The following ANKS1B variants were observed in gnomAD, a reference collection of about 807,000 sequenced individuals.
ANKS1B encodes the protein ankyrin repeat and sterile alpha motif domain containing 1B, also known as ankyrin repeat and sterile alpha motif domain-containing protein 1B.
In ANKS1B, 36 loss-of-function variants were observed where a neutral mutation model predicts 148.3. The ratio of observed to expected loss-of-function variants is 0.24; its 90% CI spans 0.19 to 0.32. The LOEUF is 0.32. ANKS1B is among the 10% of genes least tolerant of loss of function. The probability of loss-of-function intolerance (pLI) is 1.00; values close to 1 mark genes in which losing one functional copy is unlikely to be tolerated. For synonymous variants in ANKS1B, 542 were observed against 560.8 expected, an observed-to-expected ratio of 0.97 and a Z score of 0.47; for missense variants, 1,157 against 1,542.6, an observed-to-expected ratio of 0.75 and a Z score of 4.19.
intron 17 of ANKS1B, among the ~76,000 whole-genome samples, chr12:98,891,447 G>A (rs556268434): frequency 6.6e-6 from 1 of 151,864 alleles, no homozygotes; most frequent in East Asian, 1.9e-4. Context: ...TGAAGATAGA[G>A]AAAAAATCAG....
At chr12:99,768,084 C>T (rs1420873196) in intron 8 of ANKS1B, among the ~76,000 whole-genome samples, 3 of 152,140 alleles carry the variant, frequency 2.0e-5, no homozygotes, top group African/African-American at 7.2e-5. Flanking sequence ...ACTCAAGCCA[C>T]ATCATTAATA....
intron 11 of ANKS1B, among the ~76,000 whole-genome samples, chr12:99,408,096 T>C (rs568725087): frequency 1.4e-5 from 2 of 145,910 alleles, no homozygotes; most frequent in East Asian, 3.9e-4. Flanking sequence ...TGACTTCAAG[T>C]TATACTACCA....
chr12:98,768,407 ACC>A (rs2098514048), intron 25 of ANKS1B, among the ~76,000 whole-genome samples: 1 of 85,822 alleles, frequency 1.2e-5, no homozygotes, highest in Admixed American at 1.7e-4. Flanking sequence ...GCAGAAGGCC[ACC>A]CCTGTGGGGT....
At chr12:99,604,024 A>T (rs1423974064) in intron 9 of ANKS1B, among the ~76,000 whole-genome samples, 1 of 152,070 alleles carries the variant, frequency 6.6e-6, no homozygotes, top group African/African-American at 2.4e-5. Context: ...TTTCTTGAAG[A>T]CACAACACTT....
intron 8 of ANKS1B, among the ~76,000 whole-genome samples, chr12:99,657,859 A>G (rs2098457301): frequency 1.4e-5 from 2 of 146,300 alleles, no homozygotes; most frequent in South Asian, 2.2e-4. Flanking sequence ...ATTTAATCCA[A>G]TCACACAGGG....
intron 17 of ANKS1B, among the ~76,000 whole-genome samples, chr12:98,878,044 G>A (rs949365012): frequency 1.3e-5 from 2 of 151,944 alleles, no homozygotes; most frequent in Non-Finnish European, 2.9e-5. Flanking sequence ...AGTATATACA[G>A]TATACTCTAA....
rs143507737 is a variant in ANKS1B at position 99,440,147 on chromosome 12, G to A, written c.1575+3526C>T. Among the ~76,000 whole-genome samples the A allele has an allele frequency of 2.8e-3, 431 of 151,832 alleles. 13 individuals carry two copies. The South Asian group carries it at 0.039, about 14-fold the overall frequency. Reference sequence around the variant, plus strand: ...TTCTTGCCTCCAAGGCAGGAAGGAGGGCAACTAATTAGAAAGGGGCAAGAG... The same window carrying A: ...TTCTTGCCTCCAAGGCAGGAAGGAGAGCAACTAATTAGAAAGGGGCAAGAG... On this transcript the variant is annotated intron_variant, in intron 11 of 26. Transcript: ENST00000683438.
intron 9 of ANKS1B, among the ~76,000 whole-genome samples, chr12:99,644,740 T>A (rs1358414951): frequency 6.6e-6 from 1 of 152,186 alleles, no homozygotes; most frequent in African/African-American, 2.4e-5. Context: ...AAATTTATTC[T>A]CTCATAGTTC....
intron 11 of ANKS1B, among the ~76,000 whole-genome samples, chr12:99,427,420 G>A (rs1268955446): frequency 6.6e-6 from 1 of 152,068 alleles, no homozygotes; most frequent in Non-Finnish European, 1.5e-5. Flanking sequence ...TCCCTGCCTG[G>A]AACATTCTTC....
rs3051086 is a variant in ANKS1B at position 98,945,505 on chromosome 12, C to CAAAAAAAAAAAA, written c.2778+107640_2778+107651dup. On this transcript the variant is annotated intron_variant, in intron 17 of 26. Transcript: ENST00000683438. ...GCCAGACCCTGTCTCAACAAACAAA[C>CAAAAAAAAAAAA]AAAAAAAAAAAAAAAAAAAAAAAAA... is the stretch of plus-strand genomic sequence containing the variant. 2.1e-3 allele frequency among the ~76,000 whole-genome samples: 64 copies of CAAAAAAAAAAAA among 30,262 alleles called. 1 individual carries two copies. Among genetic ancestry groups the CAAAAAAAAAAAA allele is most frequent in the South Asian group, 4.7e-3 (4 of 846 alleles). The allele number at this position is 30,262 out of a possible 152,430, so 19.9% of individuals were successfully genotyped here. A position where few individuals can be genotyped will look rare whatever the true frequency, so the allele number is the denominator to read the frequency against.
intron 17 of ANKS1B, among the ~76,000 whole-genome samples, chr12:98,922,489 CTTA>C: frequency 6.6e-6 from 1 of 152,172 alleles, no homozygotes; most frequent in South Asian, 2.1e-4. Context: ...TTCTTAAGGT[CTTA>C]TTATTATTTT....
intron 14 of ANKS1B, among the ~76,000 whole-genome samples, chr12:99,202,562 T>G (rs901749572): frequency 6.6e-6 from 1 of 152,248 alleles, no homozygotes; most frequent in Non-Finnish European, 1.5e-5. Flanking sequence ...TGGATAAAGT[T>G]CTCATCTTTC....
rs1251216327 is a variant in ANKS1B at position 99,399,715 on chromosome 12, T to C, written c.1672A>G (p.Ser558Gly). ...CTAGCAGGAGGACTGGCAGTAAAGCTTGTGCACCCTGTAGATGTGTTGATT... is the reference window on the plus strand; with the variant it reads ...CTAGCAGGAGGACTGGCAGTAAAGCCTGTGCACCCTGTAGATGTGTTGATT... ...FEINTSTGCTSFTASPPASPP... is the reference protein window; with the variant it reads ...FEINTSTGCTGFTASPPASPP... The change falls in exon 12 of 27, where the codon AGC becomes GGC. Residue 558 changes from serine to glycine, a missense_variant. Physicochemically the swap from Ser to Gly is moderately conservative, Grantham distance 56. Around this residue, in one of 6 missense-constraint regions of ANKS1B, gnomAD observed 661 missense variants for 642.1 expected, o/e 1.03. Transcript: ENST00000683438. 1.2e-6 allele frequency: 2 copies of C among 1,613,468 alleles called. No individual in the cohort carries two copies. Among genetic ancestry groups the C allele is most frequent in the Non-Finnish European group, 8.5e-7 (1 of 1,179,558 alleles).
At chr12:99,718,617 T>C (rs1174390911) in intron 8 of ANKS1B, among the ~76,000 whole-genome samples, 1 of 152,340 alleles carries the variant, frequency 6.6e-6, no homozygotes, top group South Asian at 2.1e-4. Context: ...CAGACAAGCC[T>C]TACAAGTTAG....
At chr12:99,184,414 A>T (rs1689638452) in intron 14 of ANKS1B, among the ~76,000 whole-genome samples, 1 of 152,182 alleles carries the variant, frequency 6.6e-6, no homozygotes, top group South Asian at 2.1e-4. Flanking sequence ...TCAAGCATAG[A>T]ACATGTACAG....
intron 1 of ANKS1B, among the ~76,000 whole-genome samples, chr12:99,953,110 T>A (rs1684886360): frequency 6.6e-6 from 1 of 152,112 alleles, no homozygotes; most frequent in Non-Finnish European, 1.5e-5. Context: ...TTTCTACAAC[T>A]ATCAAAGGAA....
At chr12:99,025,813 A>C (rs1256824177) in intron 17 of ANKS1B, among the ~76,000 whole-genome samples, 2 of 152,230 alleles carry the variant, frequency 1.3e-5, no homozygotes, top group Non-Finnish European at 2.9e-5. Context: ...TCAAAGAAGG[A>C]AATCCACTGG....
At chr12:99,849,929 G>A (rs1263834367) in intron 1 of ANKS1B, among the ~76,000 whole-genome samples, 1 of 151,986 alleles carries the variant, frequency 6.6e-6, no homozygotes, top group Non-Finnish European at 1.5e-5. Context: ...ACATTGTGCT[G>A]TAAACTTATG....
chr12:99,350,280 G>T (rs1271300501), intron 12 of ANKS1B, among the ~76,000 whole-genome samples: 3 of 151,984 alleles, frequency 2.0e-5, no homozygotes, highest in African/African-American at 4.8e-5. Context: ...TTCCTGTACA[G>T]CCTGTGGAAC....
Sources: gnomAD v4.1 joint callset for allele counts (sites outside exome capture counted in the v4.1 genomes callset) on GRCh38, gnomAD v4.1.1 for gene constraint, gnomAD v4.1.1 regional missense constraint, MANE v1.5 for transcripts, NCBI Gene and HGNC (gene_info 2026-07-23, HGNC 2026-07-21) for gene names.